Variants in CRADD observed in about 807,000 individuals in gnomAD.
CRADD encodes the protein death domain-containing protein CRADD.
CRADD carries 9 observed loss-of-function variants against 15.5 expected under a neutral mutation model. That is an observed-to-expected ratio of 0.58 (90% CI 0.35 to 1.01). The LOEUF is 1.01. Among genes scored for constraint, CRADD ranks in the 50% least tolerant of loss-of-function variants. The pLI is 0.02. For synonymous variants in CRADD, 118 were observed against 107.6 expected, an observed-to-expected ratio of 1.10 and a Z score of -0.60; for missense variants, 227 against 250.3, an observed-to-expected ratio of 0.91 and a Z score of 0.63.
At chr12:93,808,242 A>AGGAGAGGTT (rs1957569160) in intron 2 of CRADD, among the ~76,000 whole-genome samples, 1 of 152,114 alleles carries the variant, frequency 6.6e-6, no homozygotes, top group Admixed American at 6.6e-5. Context: ...TAATTTATAA[A>AGGAGAGGTT]GGAGAGGTTT....
chr12:93,752,533 A>T (rs1375500721), intron 2 of CRADD, among the ~76,000 whole-genome samples: 2 of 152,242 alleles, frequency 1.3e-5, no homozygotes, highest in Admixed American at 1.3e-4. Context: ...ACTTGGACAC[A>T]TATTTATACT....
At chr12:93,838,214 G>GTTTTTTTTTTTTTT (rs66564800) in intron 2 of CRADD, among the ~76,000 whole-genome samples, 8 of 130,604 alleles carry the variant, frequency 6.1e-5, no homozygotes, top group Non-Finnish European at 7.9e-5. Context: ...TCCTTTTGAG[G>GTTTTTTTTTTTTTT]TTTTTTTTTT....
rs182655616 is a variant in CRADD, at chr12:93,730,633, A to G, written c.298+51561A>G. 4.5e-4 allele frequency among the ~76,000 whole-genome samples: 68 copies of G among 152,302 alleles called. 1 individual carries two copies. Among genetic ancestry groups the G allele is most frequent in the Admixed American group, 2.5e-3 (38 of 15,304 alleles). On this transcript the variant is annotated intron_variant, in intron 2 of 2. Transcript: ENST00000332896. ...GCAAAATGTTGAAAGAAACTTGTCC[A>G]TCAGTGAAAGATGGGTTAAATGAGT...
At chr12:93,789,525 A>G (rs556639482) in intron 2 of CRADD, among the ~76,000 whole-genome samples, 32 of 152,172 alleles carry the variant, frequency 2.1e-4, no homozygotes, top group Non-Finnish European at 4.4e-4. Flanking sequence ...GATTTGAAAC[A>G]TTTTCTAAAA....
Position 93,888,323 on chromosome 12 carries a change from G to T in CRADD, c.299-5727G>T, listed in dbSNP as rs146206089. On this transcript the variant is annotated intron_variant, in intron 2 of 2. Coordinates refer to the CRADD transcript ENST00000548483. ...GCTTGTAGTCTTAGCTACTCGGGAG[G>T]CTGAGGTGGGAGAATGGCATGAACC... Among the ~76,000 whole-genome samples the T allele has an allele frequency of 5.6e-3, 845 of 151,900 alleles. 6 individuals carry two copies. Among genetic ancestry groups the T allele is most frequent in the Middle Eastern group, 0.014 (4 of 290 alleles).
chr12:93,831,800 A>C (rs1957906779), intron 2 of CRADD, among the ~76,000 whole-genome samples: 1 of 152,264 alleles, frequency 6.6e-6, no homozygotes, highest in Admixed American at 6.5e-5. Flanking sequence ...CTTTGCCTGC[A>C]TCTGTCTGTA....
chr12:93,679,141 T>C (rs951016511), intron 2 of CRADD, 69 bp downstream of exon 2: 2 of 1,299,882 alleles, frequency 1.5e-6, no homozygotes, highest in African/African-American at 1.5e-5. Flanking sequence ...CTTTTTTGTT[T>C]ATTTGTTTGT....
intron 2 of CRADD, among the ~76,000 whole-genome samples, chr12:93,801,589 G>T (rs1957477056): frequency 6.6e-6 from 1 of 152,162 alleles, no homozygotes; most frequent in Non-Finnish European, 1.5e-5. Flanking sequence ...AGTAGAAATG[G>T]AGTTTCACTA....
At chr12:93,828,846 G>T (rs11107205) in intron 2 of CRADD, among the ~76,000 whole-genome samples, 26,292 of 152,148 alleles carry the variant, frequency 0.17, 2,952 homozygotes, top group Non-Finnish European at 0.26. Flanking sequence ...GAATCAGCTT[G>T]TCAATTTCTA....
chr12:93,734,860 A>G (rs901288171), intron 2 of CRADD, among the ~76,000 whole-genome samples: 1 of 151,598 alleles, frequency 6.6e-6, no homozygotes, highest in Non-Finnish European at 1.5e-5. Context: ...AGCTAATCCC[A>G]CTCAACTCAC....
rs140721635 is a variant in CRADD at position 93,725,377 on chromosome 12, A to T, written c.298+46305A>T. Among the ~76,000 whole-genome samples the T allele has an allele frequency of 3.3e-4, 50 of 152,330 alleles. No individual in the cohort carries two copies. In the East Asian group the frequency reaches 8.3e-3, roughly 25 times the overall value. Reference sequence around the variant, plus strand: ...ACTACTGCATATACTCCCTAGATATACAGTTGCATGTTCTCACACTGTCCT... The same window carrying T: ...ACTACTGCATATACTCCCTAGATATTCAGTTGCATGTTCTCACACTGTCCT... On this transcript the variant is annotated intron_variant, in intron 2 of 2. Coordinates refer to ENST00000332896, the MANE Select transcript of CRADD (RefSeq NM_003805.5).
chr12:93,792,655 A>T (rs937644251), intron 2 of CRADD, among the ~76,000 whole-genome samples: 4 of 152,206 alleles, frequency 2.6e-5, no homozygotes, highest in Non-Finnish European at 4.4e-5. Flanking sequence ...AGAAGTTAAT[A>T]TATGCCAGGT....
chr12:93,874,747 G>C (rs1318148018), intron 2 of CRADD, among the ~76,000 whole-genome samples: 2 of 151,864 alleles, frequency 1.3e-5, no homozygotes, highest in African/African-American at 4.8e-5. Flanking sequence ...TCTTGTTATT[G>C]ATTTCTAGTT....
At chr12:93,720,595 T>G (rs1956243414) in intron 2 of CRADD, among the ~76,000 whole-genome samples, 1 of 152,242 alleles carries the variant, frequency 6.6e-6, no homozygotes, top group Non-Finnish European at 1.5e-5. Context: ...AATGCTCTGT[T>G]GTTAGGCACA....
intron 2 of CRADD, among the ~76,000 whole-genome samples, chr12:93,714,181 T>C (rs1956123204): frequency 6.6e-6 from 1 of 152,228 alleles, no homozygotes; most frequent in Non-Finnish European, 1.5e-5. Flanking sequence ...CTTGTCACTA[T>C]ACATAATTCA....
In CRADD at chr12:93,686,304, C is replaced by CAAAAAAAAAA. The variant is rs59096792; in HGVS notation, c.298+7244_298+7253dup. On this transcript the variant is annotated intron_variant, in intron 2 of 2. Transcript: ENST00000332896. ...CAACAGAGTGAGACTCCATCCCCCC[C>CAAAAAAAAAA]AAAAAAAAAAAAAAAAAAAAAGAAA... 2.9e-4 allele frequency among the ~76,000 whole-genome samples: 19 copies of CAAAAAAAAAA among 65,978 alleles called. 1 individual carries two copies. Among genetic ancestry groups the CAAAAAAAAAA allele is most frequent in the African/African-American group, 5.2e-4 (8 of 15,336 alleles). The allele number at this position is 65,978 out of a possible 152,430, so 43.3% of individuals were successfully genotyped here. A position where few individuals can be genotyped will look rare whatever the true frequency, so the allele number is the denominator to read the frequency against.
chr12:93,734,941 C>A (rs550931384), intron 2 of CRADD, among the ~76,000 whole-genome samples: 1 of 152,302 alleles, frequency 6.6e-6, no homozygotes, highest in South Asian at 2.1e-4. Flanking sequence ...GGTCCCTGTA[C>A]CATATGTGCT....
intron 2 of CRADD, among the ~76,000 whole-genome samples, chr12:93,819,328 G>A (rs1161531926): frequency 1.3e-5 from 2 of 152,224 alleles, no homozygotes; most frequent in African/African-American, 2.4e-5. Context: ...TGAAGGAGGG[G>A]AACATCTAGA....
intron 2 of CRADD, among the ~76,000 whole-genome samples, chr12:93,724,847 A>G (rs1342963109): frequency 1.3e-5 from 2 of 151,446 alleles, no homozygotes; most frequent in African/African-American, 4.9e-5. Flanking sequence ...CAGACTTATT[A>G]TTATTATTAT....
Sources: allele counts gnomAD v4.1 joint callset (sites outside exome capture counted in the v4.1 genomes callset), GRCh38; gene constraint gnomAD v4.1.1; transcripts MANE v1.5; gene names NCBI Gene and HGNC (gene_info 2026-07-23, HGNC 2026-07-21).